The following FOXP1 variants were observed in gnomAD, a reference collection of about 807,000 sequenced individuals.
FOXP1 encodes the protein forkhead box protein P1.
Under a neutral mutation model 98.2 loss-of-function variants are expected in FOXP1, and 15 were observed. The observed-to-expected ratio is 0.15, with a 90% CI of 0.10 to 0.24. The LOEUF is 0.24. FOXP1 is among the 10% of genes least tolerant of loss of function. The pLI is 1.00. For missense variants in FOXP1, 633 were observed against 848.5 expected (o/e 0.75, Z 3.15); for synonymous variants, 371 against 314.5 (o/e 1.18, Z -1.90).
At chr3:71,368,506 G>A (rs1240073871) in intron 3 of FOXP1, among the ~76,000 whole-genome samples, 1 of 152,004 alleles carries the variant, frequency 6.6e-6, no homozygotes, top group Non-Finnish European at 1.5e-5. Context: ...ACTCTCATTA[G>A]TCTCTGAGAA....
intron 5 of FOXP1, among the ~76,000 whole-genome samples, chr3:71,273,784 G>A (rs2070627957): frequency 6.6e-6 from 1 of 152,192 alleles, no homozygotes; most frequent in Non-Finnish European, 1.5e-5. Context: ...GCATGGTGAA[G>A]GAATCAAATG....
At chr3:71,065,264 G>A (rs1438027046) in intron 7 of FOXP1, among the ~76,000 whole-genome samples, 3 of 152,074 alleles carry the variant, frequency 2.0e-5, no homozygotes, top group Non-Finnish European at 4.4e-5. Context: ...CTGCGGGGCC[G>A]GGGCTGCCGG....
intron 5 of FOXP1, among the ~76,000 whole-genome samples, chr3:71,203,551 T>C (rs947274882): frequency 6.6e-6 from 1 of 152,222 alleles, no homozygotes; most frequent in Non-Finnish European, 1.5e-5. Context: ...CTTGTTATCA[T>C]GCTTGTGAAA....
chr3:71,011,787 G>A (rs1346556171), intron 12 of FOXP1, among the ~76,000 whole-genome samples: 1 of 152,126 alleles, frequency 6.6e-6, no homozygotes, highest in Non-Finnish European at 1.5e-5. Context: ...AACATGTCGT[G>A]TCATGTGCAA....
At chr3:71,225,108 T>C (rs1043169195) in intron 5 of FOXP1, among the ~76,000 whole-genome samples, 1 of 152,218 alleles carries the variant, frequency 6.6e-6, no homozygotes, top group Non-Finnish European at 1.5e-5. Flanking sequence ...TTAAGGCATC[T>C]TGTTTCTCAA....
At chr3:70,981,191 C>CAAAAAA (rs71104406) in intron 14 of FOXP1, among the ~76,000 whole-genome samples, 1 of 59,960 alleles carries the variant, frequency 1.7e-5, no homozygotes, top group Non-Finnish European at 3.5e-5. Context: ...CTCTTTCTAC[C>CAAAAAA]AAAAAAAAAA....
At chr3:71,382,345 C>A (rs2080248468) in intron 3 of FOXP1, among the ~76,000 whole-genome samples, 1 of 152,164 alleles carries the variant, frequency 6.6e-6, no homozygotes, top group Non-Finnish European at 1.5e-5. Flanking sequence ...TCCCCAGCAT[C>A]TTGTCCTCTA....
intron 11 of FOXP1, among the ~76,000 whole-genome samples, chr3:71,018,845 T>C (rs942665596): frequency 1.3e-5 from 2 of 152,238 alleles, no homozygotes; most frequent in African/African-American, 4.8e-5. Flanking sequence ...TTGTAGGAAC[T>C]GTTGCTGTGC....
intron 12 of FOXP1, among the ~76,000 whole-genome samples, chr3:71,002,360 G>A (rs2042227340): frequency 1.3e-5 from 2 of 152,242 alleles, no homozygotes; most frequent in South Asian, 2.1e-4. Context: ...CAGTAAAGAG[G>A]AGACATTATG....
At chr3:71,363,174 A>G (rs920071402) in intron 3 of FOXP1, among the ~76,000 whole-genome samples, 2 of 152,150 alleles carry the variant, frequency 1.3e-5, no homozygotes, top group African/African-American at 4.8e-5. Flanking sequence ...TAAAAAATTG[A>G]AAATTTTTTC....
chr3:71,426,320 G>A (rs2084148141), intron 3 of FOXP1, among the ~76,000 whole-genome samples: 1 of 152,160 alleles, frequency 6.6e-6, no homozygotes. Context: ...GTAAACTCTT[G>A]TTAGATGGGA....
At chr3:71,321,863 G>A (rs771810985) in intron 4 of FOXP1, among the ~76,000 whole-genome samples, 2 of 151,992 alleles carry the variant, frequency 1.3e-5, no homozygotes, top group Non-Finnish European at 2.9e-5. Flanking sequence ...CCTGTGATCC[G>A]CCTGCCTCGG....
intron 4 of FOXP1, chr3:71,332,352 A>G (rs2076383610): frequency 6.4e-6 from 1 of 157,190 alleles, no homozygotes; most frequent in Non-Finnish European, 1.4e-5. Flanking sequence ...AAGAAACTCC[A>G]AACACATCCG....
At chr3:71,380,252 C>T (rs546213420) in intron 3 of FOXP1, among the ~76,000 whole-genome samples, 1 of 152,270 alleles carries the variant, frequency 6.6e-6, no homozygotes, top group South Asian at 2.1e-4. Context: ...AGGGAGACTA[C>T]CCAAGAACAT....
rs1251697690 is a variant in FOXP1, at chr3:70,955,111, A to T, written c.*4136T>A. 4.3e-6 allele frequency: 1 copy of T among 232,152 alleles called. No homozygotes were observed. Among genetic ancestry groups the T allele is most frequent in the Non-Finnish European group, 8.5e-6 (1 of 117,396 alleles). The allele number at this position is 232,152 out of a possible 1,614,324, so 14.4% of individuals were successfully genotyped here. On this transcript the variant is annotated 3_prime_UTR_variant, in exon 21 of 21. Transcript: ENST00000649528. ...TTCAGGAGGCTATGTCATTAACCAA[A>T]AGGTACCAAAAAGATTCAAAATCTG...
In FOXP1 at chr3:71,233,582, A is replaced by C. The variant is rs576919821; in HGVS notation, c.-11-35190T>G. On this transcript the variant is annotated intron_variant, in intron 5 of 20. Coordinates refer to ENST00000649528, the MANE Select transcript of FOXP1 (RefSeq NM_001349338.3). ...GCTGGGATTACAAATGCCCACGACCATGTTTGACTCTTTTTTTTTTTTTTT... is the reference window on the plus strand; with the variant it reads ...GCTGGGATTACAAATGCCCACGACCCTGTTTGACTCTTTTTTTTTTTTTTT... 4.0e-3 allele frequency among the ~76,000 whole-genome samples: 556 copies of C among 140,394 alleles called. 5 individuals are homozygous for C. The highest frequency in any genetic ancestry group is 5.1e-3 in the Non-Finnish European group (337 of 65,786). 92.1% of individuals were successfully genotyped at this position (140,394 alleles called of 152,430 possible). A position where few individuals can be genotyped will look rare whatever the true frequency, so the allele number is the denominator to read the frequency against.
intron 7 of FOXP1, among the ~76,000 whole-genome samples, chr3:71,057,856 G>T (rs1452026331): frequency 6.6e-6 from 1 of 152,134 alleles, no homozygotes; most frequent in Non-Finnish European, 1.5e-5. Context: ...AGCTCTGCTA[G>T]TATGGGCCTG....
At chr3:71,205,729 C>T (rs958121952) in intron 5 of FOXP1, among the ~76,000 whole-genome samples, 5 of 152,162 alleles carry the variant, frequency 3.3e-5, no homozygotes, top group Admixed American at 2.6e-4. Flanking sequence ...CTGTCCTGCC[C>T]TCTGGAACGC....
intron 5 of FOXP1, among the ~76,000 whole-genome samples, chr3:71,260,140 C>T (rs1291262519): frequency 2.0e-5 from 3 of 152,138 alleles, no homozygotes; most frequent in East Asian, 1.9e-4. Context: ...CCTGCCACCA[C>T]GCCCACTAAT....
Sources: allele counts gnomAD v4.1 joint callset (sites outside exome capture counted in the v4.1 genomes callset), GRCh38; gene constraint gnomAD v4.1.1; transcripts MANE v1.5; gene names NCBI Gene and HGNC (gene_info 2026-07-23, HGNC 2026-07-21).